The following KLHL15 variants were observed in gnomAD, a reference collection of about 807,000 sequenced individuals.
KLHL15 encodes the protein kelch like family member 15.
Under a neutral mutation model 29.3 loss-of-function variants are expected in KLHL15, and 1 was observed. That is an observed-to-expected ratio of 0.03 (90% CI 0.01 to 0.16). The LOEUF (loss-of-function observed/expected upper bound fraction) is 0.16, where lower values mean the gene tolerates loss of function less well. Ranked by LOEUF, KLHL15 falls within the 10% of genes least tolerant of loss-of-function variation. The pLI is 1.00. For synonymous variants in KLHL15, 212 were observed against 184.5 expected (o/e 1.15, Z -1.21); for missense variants, 215 against 478.5 (o/e 0.45, Z 5.14).
chrX:24,008,878 AAAAAAC>A (rs1929511874), intron 2 of KLHL15, among the ~76,000 whole-genome samples: 1 of 107,437 alleles, frequency 9.3e-6, no homozygotes, highest in African/African-American at 3.4e-5. Context: ...TTAGAAAAAA[AAAAAAC>A]AAAACAAAAA....
chrX:23,998,251 G>A (rs1000326245), intron 3 of KLHL15, among the ~76,000 whole-genome samples: 3 of 105,939 alleles, frequency 2.8e-5, no homozygotes, highest in Non-Finnish European at 3.9e-5. Flanking sequence ...GTGTGCCACC[G>A]TGCCCAGCAA....
chrX:23,999,725 C>CA (rs1929273392), intron 3 of KLHL15, among the ~76,000 whole-genome samples: 1 of 111,612 alleles, frequency 9.0e-6, no homozygotes, highest in African/African-American at 3.3e-5. Context: ...TAATAGTAGT[C>CA]AACACCTAGA....
chrX:24,004,573 A>G (rs1929406403), intron 3 of KLHL15, among the ~76,000 whole-genome samples: 1 of 110,786 alleles, frequency 9.0e-6, no homozygotes, highest in Admixed American at 9.6e-5. Flanking sequence ...CGGGTGGATC[A>G]TGAGGTCAGG....
chrX:23,989,146 C>T (rs1300154771), intron 3 of KLHL15, 116 bp from the exon 4 acceptor site: 1 of 556,067 alleles, frequency 1.8e-6, no homozygotes, highest in Non-Finnish European at 2.7e-6. Flanking sequence ...GCTTTTCCTG[C>T]TAAGATCACC....
Position 23,985,154 on chromosome X carries a change from C to G in KLHL15, c.*2767G>C, listed in dbSNP as rs1928963407. 1.8e-5 allele frequency: 2 copies of G among 111,538 alleles called. No homozygotes were observed. The highest frequency in any genetic ancestry group is 3.7e-4 in the South Asian group (1 of 2,733). The allele number at this position is 111,538 out of a possible 1,213,427, so 9.2% of individuals were successfully genotyped here. On this transcript the variant is annotated 3_prime_UTR_variant, in exon 4 of 4. Coordinates refer to ENST00000328046, the MANE Select transcript of KLHL15 (RefSeq NM_030624.3). Reference sequence around the variant, plus strand: ...TAATTAAGATGTAATTAATGAAGATCAGCTATTTTTGTGAACTCTGGCATT... The same window carrying G: ...TAATTAAGATGTAATTAATGAAGATGAGCTATTTTTGTGAACTCTGGCATT...
chrX:24,018,038 G>A (rs1423503237), intron 2 of KLHL15, among the ~76,000 whole-genome samples: 1 of 111,147 alleles, frequency 9.0e-6, no homozygotes, highest in Non-Finnish European at 1.9e-5. Flanking sequence ...TGAGGATGTC[G>A]AGGCTGCAGT....
intron 2 of KLHL15, among the ~76,000 whole-genome samples, chrX:24,016,599 GGA>G (rs992331859): frequency 1.9e-5 from 2 of 105,797 alleles, no homozygotes; most frequent in African/African-American, 6.9e-5. Flanking sequence ...CCCAGGAGGC[GGA>G]GATTGCAGTG....
At chrX:24,020,596 GA>G (rs887173151) in intron 2 of KLHL15, among the ~76,000 whole-genome samples, 15 of 106,166 alleles carry the variant, frequency 1.4e-4, no homozygotes, top group African/African-American at 2.0e-4. Context: ...AGCCTTATAA[GA>G]AAAAAAAAAC....
chrX:23,989,139 T>C (rs1929032607), intron 3 of KLHL15, 109 bp from the exon 4 acceptor site: 6 of 624,264 alleles, frequency 9.6e-6, no homozygotes, highest in Non-Finnish European at 1.4e-5. Context: ...TAAAACTGCT[T>C]TTCCTGCTAA....
intron 2 of KLHL15, among the ~76,000 whole-genome samples, chrX:24,019,274 A>G (rs777544212): frequency 4.5e-5 from 5 of 111,793 alleles, no homozygotes; most frequent in East Asian, 2.8e-4. Flanking sequence ...TTATTTGTTT[A>G]TTTATTTTTT....
chrX:23,988,721 G>A lies in KLHL15; in HGVS notation c.1015C>T (p.Pro339Ser), dbSNP rs749454178. 3.3e-6 allele frequency: 4 copies of A among 1,211,546 alleles called. No individual in the cohort carries two copies. Among genetic ancestry groups the A allele is most frequent in the Non-Finnish European group, 4.5e-6 (4 of 895,485 alleles). Reference sequence around the variant, plus strand: ...GAAGAAGCATGGAATTCACCATCCGGGCCCAGCTCTTCCCCGCCTAACAGG... The same window carrying A: ...GAAGAAGCATGGAATTCACCATCCGAGCCCAGCTCTTCCCCGCCTAACAGG... ...VFLLGGEELG[P>S]DGEFHASSKV... The change falls in exon 4 of 4, where the codon CCG becomes TCG. Residue 339 changes from proline (P) to serine (S), a missense_variant. Physicochemically the swap from Pro to Ser is moderately conservative, Grantham distance 74. Transcript: ENST00000328046.
chrX:24,010,114 C>T (rs764076005), intron 2 of KLHL15, among the ~76,000 whole-genome samples: 7 of 111,002 alleles, frequency 6.3e-5, no homozygotes, highest in Admixed American at 5.8e-4. Context: ...TCAACTCCTA[C>T]AACCTCCCCA....
At position 24,006,920 on chromosome X, in the gene KLHL15, T is replaced by C. The variant is rs60971220; in HGVS notation, c.-7-220A>G. Among the ~76,000 whole-genome samples, 440 of 111,869 alleles carry C rather than the reference T, an allele frequency of 3.9e-3. 2 individuals carry two copies. The highest frequency in any genetic ancestry group is 0.013 in the African/African-American group (411 of 30,840). ...CTATTAAAGATACATCAATAGTTCATGCCTATAACCCCAGCACTTTGGGAG... is the reference window on the plus strand; with the variant it reads ...CTATTAAAGATACATCAATAGTTCACGCCTATAACCCCAGCACTTTGGGAG... On this transcript the variant is annotated intron_variant, in intron 2 of 3. Coordinates refer to ENST00000328046, the MANE Select transcript of KLHL15 (RefSeq NM_030624.3).
intron 3 of KLHL15, among the ~76,000 whole-genome samples, chrX:24,000,204 G>A (rs750678071): frequency 3.6e-5 from 4 of 111,921 alleles, no homozygotes; most frequent in South Asian, 7.3e-4. Flanking sequence ...AAGTTGGCCC[G>A]GCCGGGTATG....
chrX:23,999,452 G>A (rs1159761378), intron 3 of KLHL15, among the ~76,000 whole-genome samples: 5 of 108,372 alleles, frequency 4.6e-5, no homozygotes, highest in Middle Eastern at 4.4e-3. Context: ...GAAATTAGCC[G>A]GGCGCGGTGG....
In KLHL15 at chrX:23,988,305, C is replaced by T. The variant is rs1027723593; in HGVS notation, c.1431G>A (p.Ala477=). The T allele has an allele frequency of 6.6e-6, 8 of 1,211,365 alleles. No homozygotes were observed. The highest frequency in any genetic ancestry group is 2.3e-4 in the Middle Eastern group (1 of 4,355). Residue 477 remains alanine (A), a synonymous_variant, in exon 4 of 4, where the codon GCG becomes GCA. Transcript: ENST00000328046. ...AAGAAATCATCTTGTGAAAGCATCT[C>T]GCGTAATTCATCTTGCTCTTATTCT... ...CWENKSKMNY[A]RCFHKMISYN... is the part of the protein sequence containing the mutation.
At chrX:23,991,791 A>T (rs989720905) in intron 3 of KLHL15, among the ~76,000 whole-genome samples, 2 of 112,174 alleles carry the variant, frequency 1.8e-5, no homozygotes, top group Non-Finnish European at 3.8e-5. Flanking sequence ...GTGAACTGAG[A>T]TCATGCCACT....
chrX:24,016,264 TG>T (rs763222918), intron 2 of KLHL15, among the ~76,000 whole-genome samples: 2 of 90,166 alleles, frequency 2.2e-5, no homozygotes, highest in South Asian at 1.1e-3. Flanking sequence ...GGCGTGAACC[TG>T]GAAGGCAGAG....
chrX:24,026,462 A>G (rs1334356075), intron 1 of KLHL15, among the ~76,000 whole-genome samples: 2 of 111,824 alleles, frequency 1.8e-5, no homozygotes, highest in Non-Finnish European at 3.8e-5. Flanking sequence ...GGAAAAGTGT[A>G]GATGACGGAA....
Sources: gnomAD v4.1 joint callset for allele counts (sites outside exome capture counted in the v4.1 genomes callset) on GRCh38, gnomAD v4.1.1 for gene constraint, MANE v1.5 for transcripts, NCBI Gene and HGNC (gene_info 2026-07-23, HGNC 2026-07-21) for gene names.